Variants in IGSF21 observed in about 807,000 individuals in gnomAD.
The protein encoded by IGSF21 is immunoglobulin superfamily member 21.
IGSF21 carries 28 observed loss-of-function variants against 46.8 expected under a neutral mutation model. The ratio of observed to expected loss-of-function variants is 0.60; its 90% CI spans 0.44 to 0.82. The LOEUF (loss-of-function observed/expected upper bound fraction) is 0.82, where lower values mean the gene tolerates loss of function less well. Among genes scored for constraint, IGSF21 ranks in the 40% least tolerant of loss-of-function variants. The pLI is 0.00. For missense variants in IGSF21, 624 were observed against 665.5 expected, an observed-to-expected ratio of 0.94 and a Z score of 0.69; for synonymous variants, 284 against 273.6, an observed-to-expected ratio of 1.04 and a Z score of -0.38.
At chr1:18,342,342 C>T (rs966810398) in intron 4 of IGSF21, among the ~76,000 whole-genome samples, 3 of 152,218 alleles carry the variant, frequency 2.0e-5, no homozygotes, top group African/African-American at 7.2e-5. Context: ...GATCCTCCCG[C>T]CTCGGCCCCC....
chr1:18,259,423 A>T (rs1313488563), intron 2 of IGSF21, among the ~76,000 whole-genome samples: 2 of 152,178 alleles, frequency 1.3e-5, no homozygotes, highest in African/African-American at 4.8e-5. Flanking sequence ...GAATCATAGA[A>T]CAAATCAAGG....
chr1:18,349,394 A>T lies in IGSF21; in HGVS notation c.425-12721A>T, dbSNP rs1451219000. 4.6e-5 allele frequency among the ~76,000 whole-genome samples: 7 copies of T among 152,176 alleles called. 1 individual carries two copies. The highest frequency in any genetic ancestry group is 1.0e-4 in the Non-Finnish European group (7 of 68,024). On this transcript the variant is annotated intron_variant, in intron 4 of 9. Coordinates refer to ENST00000251296, the MANE Select transcript of IGSF21 (RefSeq NM_032880.5). Reference sequence around the variant, plus strand: ...GGACTAGGGTGCAAGCTAAGAGATGAGGAAGGAGGGAGTCCTTCCTCCAGA... The same window carrying T: ...GGACTAGGGTGCAAGCTAAGAGATGTGGAAGGAGGGAGTCCTTCCTCCAGA...
chr1:18,324,763 C>T (rs115710650), intron 3 of IGSF21, among the ~76,000 whole-genome samples: 3,703 of 152,250 alleles, frequency 0.024, 89 homozygotes, highest in African/African-American at 0.063. Flanking sequence ...CCAATGGCCC[C>T]ACCCCTCCCG....
At chr1:18,179,171 GA>G (rs1340637291) in intron 1 of IGSF21, 1 of 152,222 alleles carries the variant, frequency 6.6e-6, no homozygotes, top group Non-Finnish European at 1.5e-5. Flanking sequence ...TCCAAGCCGA[GA>G]GGGGACTCTG....
At chr1:18,246,850 A>G (rs143902954) in intron 2 of IGSF21, among the ~76,000 whole-genome samples, 2 of 152,058 alleles carry the variant, frequency 1.3e-5, no homozygotes, top group African/African-American at 2.4e-5. Context: ...AGCTCAACAC[A>G]TCTGAGTTTG....
At chr1:18,314,659 T>C (rs2085523100) in intron 3 of IGSF21, among the ~76,000 whole-genome samples, 1 of 152,122 alleles carries the variant, frequency 6.6e-6, no homozygotes, top group Non-Finnish European at 1.5e-5. Flanking sequence ...TGACTTGCAG[T>C]GAAGCTGGGA....
chr1:18,112,299 G>C (rs1456191130), intron 1 of IGSF21: 1 of 152,210 alleles, frequency 6.6e-6, no homozygotes, highest in Non-Finnish European at 1.5e-5. Context: ...ACGGTGCTGA[G>C]CATTGGGAAA....
At chr1:18,190,322 C>T (rs1367404652) in intron 1 of IGSF21, among the ~76,000 whole-genome samples, 2 of 152,196 alleles carry the variant, frequency 1.3e-5, no homozygotes, top group Non-Finnish European at 2.9e-5. Flanking sequence ...CTGTCTATCT[C>T]ATGGTCTGTT....
chr1:18,214,452 G>T (rs898122946), intron 1 of IGSF21, among the ~76,000 whole-genome samples: 3 of 152,168 alleles, frequency 2.0e-5, no homozygotes, highest in Non-Finnish European at 4.4e-5. Context: ...AGCTCAATAA[G>T]GCAAAAAGTA....
At chr1:18,214,195 G>A (rs1420549169) in intron 1 of IGSF21, among the ~76,000 whole-genome samples, 1 of 152,132 alleles carries the variant, frequency 6.6e-6, no homozygotes, top group Non-Finnish European at 1.5e-5. Context: ...TCTGACAGAG[G>A]GGAATTTGAT....
chr1:18,124,375 C>T (rs1402798790), intron 1 of IGSF21, among the ~76,000 whole-genome samples: 1 of 152,202 alleles, frequency 6.6e-6, no homozygotes, highest in Admixed American at 6.5e-5. Flanking sequence ...CCTCATTTTA[C>T]AGGAGAAAGA....
intron 3 of IGSF21, among the ~76,000 whole-genome samples, chr1:18,309,192 T>G (rs1025222831): frequency 2.0e-5 from 3 of 152,106 alleles, no homozygotes; most frequent in African/African-American, 7.2e-5. Context: ...GTGGAAATGC[T>G]ACTGTCATTG....
rs533903782 is a variant in IGSF21 at position 18,154,761 on chromosome 1, C to T, written c.70+46563C>T. 1.4e-3 allele frequency among the ~76,000 whole-genome samples: 213 copies of T among 152,036 alleles called. 1 individual carries two copies. Among genetic ancestry groups the T allele is most frequent in the African/African-American group, 4.7e-3 (195 of 41,524 alleles). ...TGGAGTTGCTTTGTGTAACCAAATT[C>T]GTCCTCTCCTTTCCCCTCCCTTTCC... On this transcript the variant is annotated intron_variant, in intron 1 of 9. Coordinates refer to ENST00000251296, the MANE Select transcript of IGSF21 (RefSeq NM_032880.5).
At chr1:18,198,955 G>A (rs1327170594) in intron 1 of IGSF21, among the ~76,000 whole-genome samples, 1 of 151,932 alleles carries the variant, frequency 6.6e-6, no homozygotes, top group Non-Finnish European at 1.5e-5. Context: ...ATGGTGGCAG[G>A]TTCCATGGGC....
intron 1 of IGSF21, among the ~76,000 whole-genome samples, 195 bp from the exon 2 acceptor site, chr1:18,227,703 G>C (rs2084582655): frequency 1.3e-5 from 2 of 151,970 alleles, no homozygotes; most frequent in African/African-American, 2.4e-5. Flanking sequence ...GAGGGAAGAA[G>C]AGGGTGATTG....
chr1:18,267,005 C>T (rs2084995889), intron 2 of IGSF21, among the ~76,000 whole-genome samples: 1 of 152,142 alleles, frequency 6.6e-6, no homozygotes, highest in South Asian at 2.1e-4. Flanking sequence ...TATTTGACCT[C>T]CAGGAGAGGC....
intron 1 of IGSF21, among the ~76,000 whole-genome samples, chr1:18,156,010 G>T (rs1328061086): frequency 6.6e-6 from 1 of 152,240 alleles, no homozygotes; most frequent in Non-Finnish European, 1.5e-5. Flanking sequence ...TGTGCCACCG[G>T]CCTGGCAGCC....
chr1:18,290,980 A>G lies in IGSF21; in HGVS notation c.184-886A>G, dbSNP rs2085259669. Among the ~76,000 whole-genome samples the G allele has an allele frequency of 6.6e-6, 1 of 152,178 alleles. No homozygotes were observed. The highest frequency in any genetic ancestry group is 1.5e-5 in the Non-Finnish European group (1 of 68,040). On this transcript the variant is annotated intron_variant, in intron 2 of 9. Coordinates refer to ENST00000251296, the MANE Select transcript of IGSF21 (RefSeq NM_032880.5). The surrounding 1 kb of genome is among the most constrained non-coding windows in gnomAD (Gnocchi z 4.2). ...AGAGGCTGCAAGCTCCCAGTCTATA[A>G]TAGAGTTGCTGAGACAAGCGGAAAA...
intron 2 of IGSF21, among the ~76,000 whole-genome samples, chr1:18,241,016 G>C (rs956200787): frequency 6.6e-6 from 1 of 152,154 alleles, no homozygotes; most frequent in South Asian, 2.1e-4. Context: ...CCCAGGAGTA[G>C]GGTTATGTGA....
Sources: allele counts gnomAD v4.1 joint callset (sites outside exome capture counted in the v4.1 genomes callset), GRCh38; gene constraint gnomAD v4.1.1; non-coding constraint Gnocchi (gnomAD v3.1); transcripts MANE v1.5; gene names NCBI Gene and HGNC (gene_info 2026-07-23, HGNC 2026-07-21).